ATE1: variants seen among roughly 807,000 people sequenced by gnomAD.
The protein encoded by ATE1 is arginyltransferase 1.
ATE1 carries 36 observed loss-of-function variants against 70.5 expected under a neutral mutation model. The observed-to-expected ratio is 0.51, with a 90% CI of 0.39 to 0.67. The LOEUF is 0.67. Among genes scored for constraint, ATE1 ranks in the 30% least tolerant of loss-of-function variants. The pLI, the probability that ATE1 is intolerant of heterozygous loss-of-function variation, is 0.00. For missense variants in ATE1, 593 were observed against 629.5 expected (o/e 0.94, Z 0.62); for synonymous variants, 232 against 219.3 (o/e 1.06, Z -0.51).
intron 7 of ATE1, among the ~76,000 whole-genome samples, chr10:121,884,500 A>G (rs56153837): frequency 0.28 from 42,371 of 151,888 alleles, 6,733 homozygotes; most frequent in South Asian, 0.43. Flanking sequence ...AAGGCAGGAG[A>G]GACTGCTTGA....
chr10:121,855,612 A>C (rs1466641752), intron 8 of ATE1, among the ~76,000 whole-genome samples: 4 of 152,078 alleles, frequency 2.6e-5, no homozygotes, highest in African/African-American at 9.7e-5. Flanking sequence ...ATATTTTCCT[A>C]CCTCCAGAGG....
At chr10:121,769,697 CAAAG>C (rs1340483826) in intron 11 of ATE1, among the ~76,000 whole-genome samples, 2 of 152,116 alleles carry the variant, frequency 1.3e-5, no homozygotes, top group African/African-American at 4.8e-5. Flanking sequence ...AGAAAATGCA[CAAAG>C]AACATGAGGA....
intron 10 of ATE1, among the ~76,000 whole-genome samples, chr10:121,834,197 A>C (rs890460339): frequency 6.6e-6 from 1 of 152,164 alleles, no homozygotes; most frequent in Non-Finnish European, 1.5e-5. Flanking sequence ...TACACAATCT[A>C]AAGTAGCCAC....
intron 11 of ATE1, among the ~76,000 whole-genome samples, chr10:121,759,377 T>C (rs973808130): frequency 1.3e-5 from 2 of 152,162 alleles, no homozygotes; most frequent in Non-Finnish European, 2.9e-5. Context: ...AGGCGGAAGC[T>C]AGGAGAGATT....
At chr10:121,828,889 A>T (rs542043895) in intron 10 of ATE1, among the ~76,000 whole-genome samples, 1 of 152,348 alleles carries the variant, frequency 6.6e-6, no homozygotes, top group African/African-American at 2.4e-5. Flanking sequence ...GCTTTACATC[A>T]TACAATAAAT....
At chr10:121,814,448 T>G (rs1021951465) in intron 10 of ATE1, among the ~76,000 whole-genome samples, 3 of 152,134 alleles carry the variant, frequency 2.0e-5, no homozygotes, top group African/African-American at 7.2e-5. Context: ...GATGGCAGGA[T>G]GGAGGAAGCT....
At chr10:121,898,273 T>C (rs889236059) in intron 7 of ATE1, among the ~76,000 whole-genome samples, 25 of 152,178 alleles carry the variant, frequency 1.6e-4, no homozygotes, top group Admixed American at 1.2e-3. Flanking sequence ...AACGATTCCG[T>C]TTTTCACTTT....
chr10:121,805,926 C>A (rs1947077995), intron 10 of ATE1, among the ~76,000 whole-genome samples: 1 of 152,108 alleles, frequency 6.6e-6, no homozygotes. Flanking sequence ...TCACCTTAAC[C>A]AAGTGAGCAA....
At chr10:121,885,366 G>A (rs1247441948) in intron 7 of ATE1, among the ~76,000 whole-genome samples, 7 of 145,388 alleles carry the variant, frequency 4.8e-5, no homozygotes, top group African/African-American at 7.4e-5. Context: ...TCAGGAGATC[G>A]AGACCATCCT....
chr10:121,795,118 C>T (rs1390967933), intron 10 of ATE1, among the ~76,000 whole-genome samples: 4 of 152,064 alleles, frequency 2.6e-5, no homozygotes, highest in African/African-American at 4.8e-5. Context: ...CATGGTGATA[C>T]GTGCCTATAA....
At chr10:121,743,894 AC>A (rs1340908984) in intron 11 of ATE1, 36 bp from the exon 12 acceptor site, 4 of 1,528,174 alleles carry the variant, frequency 2.6e-6, no homozygotes, top group Middle Eastern at 3.7e-4. Context: ...GTAAAATGTC[AC>A]ATATCAAAAC....
At chr10:121,904,181 A>C (rs1460960799) in intron 5 of ATE1, among the ~76,000 whole-genome samples, 1 of 151,578 alleles carries the variant, frequency 6.6e-6, no homozygotes, top group African/African-American at 2.4e-5. Context: ...ACGGAGTTTC[A>C]CCATGCTGGT....
At chr10:121,843,686 CT>C (rs1948713125) in intron 8 of ATE1, among the ~76,000 whole-genome samples, 1 of 151,810 alleles carries the variant, frequency 6.6e-6, no homozygotes, top group Non-Finnish European at 1.5e-5. Flanking sequence ...AAAGAATACT[CT>C]TTACAATAAA....
chr10:121,804,616 G>A (rs1174719404), intron 10 of ATE1, among the ~76,000 whole-genome samples: 1 of 152,136 alleles, frequency 6.6e-6, no homozygotes, highest in East Asian at 1.9e-4. Flanking sequence ...GAGTATGTTT[G>A]GAAGCTGTTG....
chr10:121,911,577 T>G (rs139773450), intron 4 of ATE1, among the ~76,000 whole-genome samples: 22 of 152,288 alleles, frequency 1.4e-4, no homozygotes, highest in South Asian at 4.1e-4. Context: ...CTCACTAGTT[T>G]TAAAGGAAAC....
intron 8 of ATE1, among the ~76,000 whole-genome samples, chr10:121,852,497 G>A (rs1439647021): frequency 3.3e-5 from 5 of 152,002 alleles, no homozygotes; most frequent in African/African-American, 1.2e-4. Context: ...GCTCACTTGA[G>A]GTCAGGAGTT....
intron 11 of ATE1, among the ~76,000 whole-genome samples, chr10:121,787,078 CCG>C (rs1338179430): frequency 6.6e-6 from 1 of 152,160 alleles, no homozygotes; most frequent in African/African-American, 2.4e-5. Context: ...CCCCACAGTA[CCG>C]CAAAGTAGTA....
intron 11 of ATE1, among the ~76,000 whole-genome samples, chr10:121,786,681 G>A (rs1233988039): frequency 1.3e-5 from 2 of 152,194 alleles, no homozygotes; most frequent in African/African-American, 2.4e-5. Context: ...GCATCACAGG[G>A]TAGCAGCATT....
chr10:121,744,764 G>C (rs1489876961), intron 11 of ATE1, among the ~76,000 whole-genome samples: 1 of 152,116 alleles, frequency 6.6e-6, no homozygotes, highest in Non-Finnish European at 1.5e-5. Context: ...GGGTACACAG[G>C]TCACCCAGAC....
Sources: allele counts gnomAD v4.1 joint callset (sites outside exome capture counted in the v4.1 genomes callset), GRCh38; gene constraint gnomAD v4.1.1; transcripts MANE v1.5; gene names NCBI Gene and HGNC (gene_info 2026-07-23, HGNC 2026-07-21).